The following FBLN2 variants were observed in gnomAD, a reference collection of about 807,000 sequenced individuals.
FBLN2 encodes the protein fibulin-2.
Under a neutral mutation model 123.7 loss-of-function variants are expected in FBLN2, and 81 were observed. The observed-to-expected ratio is 0.65, with a 90% CI of 0.55 to 0.79. The LOEUF is 0.79. Ranked by LOEUF, FBLN2 falls within the 30% of genes least tolerant of loss-of-function variation. FBLN2 has a pLI of 0.00. For synonymous variants in FBLN2, 699 were observed against 701.4 expected, an observed-to-expected ratio of 1.00 and a Z score of 0.05; for missense variants, 1,603 against 1,681.3, an observed-to-expected ratio of 0.95 and a Z score of 0.81.
chr3:13,614,690 CCA>C (rs1705529423), intron 5 of FBLN2, among the ~76,000 whole-genome samples: 2 of 149,562 alleles, frequency 1.3e-5, no homozygotes, highest in Non-Finnish European at 3.0e-5. Context: ...ACCCATCCAC[CCA>C]TTCACTCACC....
chr3:13,579,094 T>G (rs1002015368), intron 2 of FBLN2, among the ~76,000 whole-genome samples: 2 of 152,200 alleles, frequency 1.3e-5, no homozygotes, highest in African/African-American at 4.8e-5. Flanking sequence ...CCAGAGCGAC[T>G]GCACCATTTT....
At chr3:13,585,576 C>T (rs9818607) in intron 2 of FBLN2, among the ~76,000 whole-genome samples, 6,818 of 152,266 alleles carry the variant, frequency 0.045, 491 homozygotes, top group African/African-American at 0.15. Context: ...AGCCATTACT[C>T]GTGTTTGTGG....
At position 13,571,257 on chromosome 3, in the gene FBLN2, A is replaced by ACTG. The variant is rs1254527551; in HGVS notation, c.903_904insTGC (p.His301_Arg302insCys). ...ACTGAGCAGCTGGCAGCAGGTGGCC[A>ACTG]CAGGGGGCTGGATGGGCTGCCCACT... On this transcript the variant is annotated inframe_insertion, in exon 2 of 18. Coordinates refer to ENST00000404922, the MANE Select transcript of FBLN2 (RefSeq NM_001004019.2). The ACTG allele has an allele frequency of 2.6e-6, 4 of 1,568,464 alleles. No individual in the cohort carries two copies. Among genetic ancestry groups the ACTG allele is most frequent in the Non-Finnish European group, 3.5e-6 (4 of 1,157,332 alleles).
intron 2 of FBLN2, among the ~76,000 whole-genome samples, chr3:13,598,850 C>A (rs2124866990): frequency 6.6e-6 from 1 of 152,316 alleles, no homozygotes; most frequent in African/African-American, 2.4e-5. Flanking sequence ...GAGGAGGGAG[C>A]TGCTTTTCCT....
At chr3:13,568,898 C>T in intron 1 of FBLN2, 4 of 985,716 alleles carry the variant, frequency 4.1e-6, no homozygotes, top group Non-Finnish European at 4.8e-6. Flanking sequence ...ACCCCTGGTT[C>T]CTAGAGGGGC....
intron 1 of FBLN2, among the ~76,000 whole-genome samples, chr3:13,567,324 C>T (rs1703778987): frequency 6.6e-6 from 1 of 152,162 alleles, no homozygotes; most frequent in Admixed American, 6.5e-5. Flanking sequence ...CACCTGAAGG[C>T]AGGAGGGCAG....
Position 13,570,737 on chromosome 3 carries a change from G to T in FBLN2, c.382G>T (p.Ala128Ser). ...CAACTGCATCGAGGCTGTAGTGGTG[G>T]CTGACAGCTGCCCACAGTGCGGCCA... ...PPNCIEAVVVADSCPQCGQVG... is the reference protein window; with the variant it reads ...PPNCIEAVVVSDSCPQCGQVG... The change falls in exon 2 of 18, where the codon GCT (alanine) becomes TCT (serine). Residue 128 changes from alanine to serine, a missense_variant. Transcript: ENST00000404922. The T allele has an allele frequency of 6.2e-7, 1 of 1,600,832 alleles. No individual in the cohort carries two copies. The highest frequency in any genetic ancestry group is 8.5e-7 in the Non-Finnish European group (1 of 1,174,256).
chr3:13,595,177 G>A (rs757165709), intron 2 of FBLN2, among the ~76,000 whole-genome samples: 2 of 152,184 alleles, frequency 1.3e-5, no homozygotes, highest in Non-Finnish European at 2.9e-5. Flanking sequence ...AGATCCGGCC[G>A]GTTGGCTGGA....
intron 7 of FBLN2, among the ~76,000 whole-genome samples, chr3:13,619,468 C>T (rs1415778845): frequency 6.6e-6 from 1 of 152,184 alleles, no homozygotes; most frequent in Non-Finnish European, 1.5e-5. Flanking sequence ...CTTGCTGTCA[C>T]GCAAGGCATG....
intron 1 of FBLN2, among the ~76,000 whole-genome samples, chr3:13,554,251 T>C (rs1703405008): frequency 6.6e-6 from 1 of 152,164 alleles, no homozygotes; most frequent in Non-Finnish European, 1.5e-5. Context: ...TCCCGTGGCT[T>C]CTGTCTTCTG....
rs539786459 is a variant in FBLN2 at position 13,553,752 on chromosome 3, G to A, written c.-42+4544G>A. Among the ~76,000 whole-genome samples the A allele has an allele frequency of 5.9e-5, 9 of 152,334 alleles. No individual in the cohort carries two copies. The South Asian group carries it at 6.2e-4, about 11-fold the overall frequency. The stretch of plus-strand genomic sequence containing the variant: ...GGGCTGTATTGTAGGCGGCCAGTGC[G>A]TCCCGCCCAGGTCTGTGTGCTGGTG... On this transcript the variant is annotated intron_variant, in intron 1 of 17. Transcript: ENST00000404922.
At chr3:13,556,806 G>C (rs1393371816) in intron 1 of FBLN2, among the ~76,000 whole-genome samples, 2 of 152,208 alleles carry the variant, frequency 1.3e-5, no homozygotes, top group Admixed American at 1.3e-4. Flanking sequence ...CCCATTGCTG[G>C]AAGCAGGGGC....
rs534802167 is a variant in FBLN2, at chr3:13,628,995, C to T, written c.2660C>T (p.Pro887Leu). 5.2e-5 allele frequency: 84 copies of T among 1,613,504 alleles called. No individual in the cohort carries two copies. Among genetic ancestry groups the T allele is most frequent in the African/African-American group, 2.4e-4 (18 of 75,034 alleles). Residue 887 changes from proline to leucine, a missense_variant, in exon 12 of 18, where the codon CCG becomes CTG. Coordinates refer to ENST00000404922, the MANE Select transcript of FBLN2 (RefSeq NM_001004019.2). ...TVGSYTCQRNPLICARGYHAS... is the reference protein window; with the variant it reads ...TVGSYTCQRNLLICARGYHAS... The stretch of plus-strand genomic sequence containing the variant: ...GGCTCCTACACATGCCAGAGGAACC[C>T]GCTGATCTGCGCGCGCGGCTACCAC...
At chr3:13,628,875 G>T in intron 11 of FBLN2, 30 bp from the exon 12 acceptor site, 3 of 1,604,048 alleles carry the variant, frequency 1.9e-6, no homozygotes, top group Non-Finnish European at 2.6e-6. Context: ...ACCATGCCGG[G>T]CTCCCTGTCA....
Position 13,612,411 on chromosome 3 carries a change from C to T in FBLN2, c.1549-1573C>T, listed in dbSNP as rs1246430381. On this transcript the variant is annotated intron_variant, in intron 4 of 17. Coordinates refer to ENST00000404922, the MANE Select transcript of FBLN2 (RefSeq NM_001004019.2). ...CTGTCTTTCTTTCTTGACGGAGTCT[C>T]GCTCTGTCACCCAGGCTGGAGTGCA... Among the ~76,000 whole-genome samples the T allele has an allele frequency of 8.0e-5, 12 of 150,474 alleles. No individual in the cohort carries two copies. The South Asian group carries it at 8.4e-4, about 11-fold the overall frequency.
intron 5 of FBLN2, among the ~76,000 whole-genome samples, chr3:13,617,167 CATCCATCCATCT>C: frequency 6.6e-6 from 1 of 151,732 alleles, no homozygotes; most frequent in East Asian, 1.9e-4. Flanking sequence ...TCCATCCATC[CATCCATCCATCT>C]ATCCATCCAT....
At chr3:13,608,018 G>A in intron 2 of FBLN2, 44 bp from the exon 3 acceptor site, 2 of 1,489,182 alleles carry the variant, frequency 1.3e-6, no homozygotes, top group Non-Finnish European at 1.8e-6. Flanking sequence ...TGCTGGACTT[G>A]GTGACTTATG....
At chr3:13,628,298 A>G (rs1219696150) in intron 11 of FBLN2, among the ~76,000 whole-genome samples, 2 of 147,882 alleles carry the variant, frequency 1.4e-5, no homozygotes, top group African/African-American at 5.0e-5. Context: ...TATGTGATAG[A>G]TCATGACCTG....
rs1415602625 is a variant in FBLN2, at chr3:13,608,113, C to T, written c.1358C>T (p.Ala453Val). 6 of 1,598,374 alleles carry T rather than the reference C, an allele frequency of 3.8e-6. No individual in the cohort carries two copies. The highest frequency in any genetic ancestry group is 5.1e-6 in the Non-Finnish European group (6 of 1,172,676). ...ETCCAAGQQW[A>V]IDNDECLEIP... ...TGCTGCGCAGCCGGACAGCAGTGGGCCATTGACAATGACGAGTGCCTGGAG... is the reference window on the plus strand; with the variant it reads ...TGCTGCGCAGCCGGACAGCAGTGGGTCATTGACAATGACGAGTGCCTGGAG... Residue 453 changes from alanine (A) to valine (V), a missense_variant, in exon 3 of 18, where the codon GCC (alanine) becomes GTC (valine). Transcript: ENST00000404922.
Sources: gnomAD v4.1 joint callset for allele counts (sites outside exome capture counted in the v4.1 genomes callset) on GRCh38, gnomAD v4.1.1 for gene constraint, MANE v1.5 for transcripts, NCBI Gene and HGNC (gene_info 2026-07-23, HGNC 2026-07-21) for gene names.